The following GSR variants were observed in gnomAD, a reference collection of about 807,000 sequenced individuals.
GSR encodes the protein glutathione reductase, mitochondrial.
A neutral mutation model predicts 56.5 loss-of-function variants in GSR; 48 were observed. The ratio of observed to expected loss-of-function variants is 0.85; its 90% confidence interval spans 0.67 to 1.08. GSR has a LOEUF of 1.08. GSR is among the 50% of genes least tolerant of loss of function. GSR has a pLI of 0.00. For missense variants in GSR, 694 were observed against 703.3 expected (o/e 0.99, Z 0.15); for synonymous variants, 264 against 270.8 (o/e 0.97, Z 0.25).
intron 3 of GSR, among the ~76,000 whole-genome samples, chr8:30,708,661 A>G (rs1291560544): frequency 6.6e-6 from 1 of 152,158 alleles, no homozygotes. Context: ...CACAATAACC[A>G]AAAGGTAAAA....
chr8:30,717,152 G>A (rs8190910), intron 1 of GSR, among the ~76,000 whole-genome samples: 7,423 of 152,092 alleles, frequency 0.049, 536 homozygotes, highest in African/African-American at 0.15. Flanking sequence ...CAGGAGAATC[G>A]CTTGAACCCA....
At chr8:30,695,069 A>G (rs936351555) in intron 7 of GSR, among the ~76,000 whole-genome samples, 6 of 151,980 alleles carry the variant, frequency 3.9e-5, no homozygotes, top group Non-Finnish European at 7.4e-5. Context: ...TCTCTTAAAA[A>G]AAAAAAAAAT....
At chr8:30,680,526 C>T (rs1465761429) in intron 12 of GSR, among the ~76,000 whole-genome samples, 14 of 151,156 alleles carry the variant, frequency 9.3e-5, no homozygotes, top group African/African-American at 2.7e-4. Flanking sequence ...TCCCGAGTAG[C>T]TGGGATTACA....
intron 1 of GSR, among the ~76,000 whole-genome samples, chr8:30,723,027 T>C (rs960310424): frequency 6.6e-6 from 1 of 152,038 alleles, no homozygotes; most frequent in African/African-American, 2.4e-5. Flanking sequence ...ACTACCCAAC[T>C]CTCATTGGTA....
chr8:30,684,230 C>G, intron 9 of GSR, 31 bp from the exon 10 acceptor site: 1 of 1,179,318 alleles, frequency 8.5e-7, no homozygotes, highest in Non-Finnish European at 1.3e-6. Flanking sequence ...CATGTAACCA[C>G]TTGGCCCACC....
chr8:30,715,968 G>A (rs527692913), intron 1 of GSR, among the ~76,000 whole-genome samples: 50 of 152,200 alleles, frequency 3.3e-4, no homozygotes, highest in African/African-American at 1.2e-3. Flanking sequence ...GCGCCAAGGT[G>A]GGCTTTCACT....
chr8:30,684,115 C>T lies in GSR; in HGVS notation c.1126G>A (p.Val376Ile), dbSNP rs1446507878. The T allele has an allele frequency of 6.3e-7, 1 of 1,596,128 alleles. No homozygotes were observed. The change falls in exon 10 of 13, where the codon GTA becomes ATA. Residue 376 changes from valine to isoleucine, a missense_variant. Transcript: ENST00000221130. ...NVKGIYAVGD[V>I]CGKALLTPVA... The stretch of plus-strand genomic sequence containing the variant: ...GGAGTAAGAAGAGCTTTTCCACATA[C>T]ATCCCCAACTGCATAGATGCCTTTG...
chr8:30,716,580 G>C (rs550971124), intron 1 of GSR, among the ~76,000 whole-genome samples: 1 of 152,340 alleles, frequency 6.6e-6, no homozygotes, highest in East Asian at 1.9e-4. Flanking sequence ...GGCCAAGGCA[G>C]GTGGATCGCT....
intron 9 of GSR, among the ~76,000 whole-genome samples, chr8:30,687,928 A>G (rs1003057586): frequency 1.5e-4 from 23 of 152,306 alleles, no homozygotes; most frequent in African/African-American, 4.8e-4. Context: ...CACTTGAAGC[A>G]GAGAAATTAA....
intron 2 of GSR, 141 bp from the exon 3 acceptor site, chr8:30,710,043 C>T (rs536380414): frequency 1.2e-5 from 8 of 650,082 alleles, no homozygotes; most frequent in East Asian, 1.1e-4. Context: ...TAGCTGGGCA[C>T]GGCAGCTCAC....
chr8:30,685,677 G>A (rs779867236), intron 9 of GSR, among the ~76,000 whole-genome samples: 6 of 151,960 alleles, frequency 3.9e-5, no homozygotes, highest in Non-Finnish European at 8.8e-5. Context: ...TAGCCACAGA[G>A]CTTAAGAGTA....
At chr8:30,696,562 G>A (rs1803548963) in intron 6 of GSR, 83 bp from the exon 7 acceptor site, 1 of 913,866 alleles carries the variant, frequency 1.1e-6, no homozygotes, top group Non-Finnish European at 1.8e-6. Flanking sequence ...TGCAGAGATA[G>A]TACAGAGATT....
chr8:30,710,048 G>C (rs1481047091), intron 2 of GSR, 146 bp from the exon 3 acceptor site: 1 of 646,122 alleles, frequency 1.5e-6, no homozygotes, highest in Non-Finnish European at 2.7e-6. Flanking sequence ...GGGCACGGCA[G>C]CTCACGTCTG....
intron 3 of GSR, 51 bp downstream of exon 3, chr8:30,709,763 A>G: frequency 9.6e-7 from 1 of 1,044,780 alleles, no homozygotes; most frequent in Non-Finnish European, 1.5e-6. Flanking sequence ...TCAGTTATAA[A>G]AGAAAAATAT....
At chr8:30,698,063 C>T (rs968443112) in intron 6 of GSR, among the ~76,000 whole-genome samples, 1 of 152,084 alleles carries the variant, frequency 6.6e-6, no homozygotes, top group African/African-American at 2.4e-5. Flanking sequence ...CCCAGGACTA[C>T]TCATGCACAG....
At chr8:30,697,557 G>A (rs1803591000) in intron 6 of GSR, among the ~76,000 whole-genome samples, 1 of 152,056 alleles carries the variant, frequency 6.6e-6, no homozygotes, top group South Asian at 2.1e-4. Flanking sequence ...GTGTCTGGGA[G>A]GTGGAGGCTG....
intron 3 of GSR, 34 bp from the exon 4 acceptor site, chr8:30,708,175 G>T (rs1321155328): frequency 6.8e-7 from 1 of 1,477,018 alleles, no homozygotes; most frequent in East Asian, 2.3e-5. Context: ...TTCAGAAACA[G>T]GATCTTCCCC....
intron 1 of GSR, among the ~76,000 whole-genome samples, chr8:30,718,541 G>A (rs1804420630): frequency 1.3e-5 from 2 of 152,096 alleles, no homozygotes; most frequent in African/African-American, 2.4e-5. Flanking sequence ...CAAGGCATAC[G>A]GAAAGGCGGA....
In GSR at chr8:30,678,665, A is replaced by T. The variant is rs961087537; in HGVS notation, c.*855T>A. On this transcript the variant is annotated 3_prime_UTR_variant, in exon 13 of 13. Transcript: ENST00000221130. ...GCCTGAGCCACCGTGCCTTGCCACA[A>T]ACTATTTTTAATCATTAAAAAAGAA... 1 of 152,092 alleles carries T rather than the reference A, an allele frequency of 6.6e-6. No individual in the cohort carries two copies. The highest frequency in any genetic ancestry group is 1.5e-5 in the Non-Finnish European group (1 of 68,036). 9.4% of individuals were successfully genotyped at this position (152,092 alleles called of 1,614,324 possible).
Sources: allele counts gnomAD v4.1 joint callset (sites outside exome capture counted in the v4.1 genomes callset), GRCh38; gene constraint gnomAD v4.1.1; transcripts MANE v1.5; gene names NCBI Gene and HGNC (gene_info 2026-07-23, HGNC 2026-07-21).